ABCE1: variants seen among roughly 807,000 people sequenced by gnomAD.
ABCE1 encodes ATP-binding cassette sub-family E member 1.
In ABCE1, 22 loss-of-function variants were observed where a neutral mutation model predicts 83.4. The observed-to-expected ratio is 0.26, with a 90% CI of 0.19 to 0.38. The LOEUF (loss-of-function observed/expected upper bound fraction) is 0.38. Among genes scored for constraint, ABCE1 ranks in the 10% least tolerant of loss-of-function variants. ABCE1 has a pLI of 1.00. For synonymous variants in ABCE1, 204 were observed against 233.7 expected (o/e 0.87, Z 1.16); for missense variants, 330 against 721.9 (o/e 0.46, Z 6.22).
At chr4:145,103,593 C>T (rs1453417468) in intron 1 of ABCE1, among the ~76,000 whole-genome samples, 1 of 152,074 alleles carries the variant, frequency 6.6e-6, no homozygotes, top group African/African-American at 2.4e-5. Flanking sequence ...TGATTATTTG[C>T]CATTTCTGTC....
Position 145,104,570 on chromosome 4 carries a change from CT to C in ABCE1, c.103+56del, listed in dbSNP as rs972520790. The C allele has an allele frequency of 7.5e-6, 9 of 1,196,000 alleles. No individual in the cohort carries two copies. The African/African-American group carries it at 1.3e-4, about 17-fold the overall frequency. The allele number at this position is 1,196,000 out of a possible 1,614,324, so 74.1% of individuals were successfully genotyped here. A position where few individuals can be genotyped will look rare whatever the true frequency, so the allele number is the denominator to read the frequency against. ...AAAAGAAAACCATGAAAGAAATCAA[CT>C]GGTTTGATAATTCTTTACGGACATT... On this transcript the variant is annotated intron_variant, in intron 2 of 17. Transcript: ENST00000296577.
chr4:145,113,859 C>G (rs1457029510), intron 9 of ABCE1, among the ~76,000 whole-genome samples: 1 of 151,966 alleles, frequency 6.6e-6, no homozygotes, highest in Non-Finnish European at 1.5e-5. Flanking sequence ...GAAACCAGAT[C>G]TTAGGAAGTT....
rs1400055606 is a variant in ABCE1 at position 145,102,409 on chromosome 4, T to C, written c.-27-1977T>C. ...AAGAATGAGCCAGTGGAGAGAATAA[T>C]TGATGAAGTTAAAGACAGAAGGGAG... is the stretch of plus-strand genomic sequence containing the variant. On this transcript the variant is annotated intron_variant, in intron 1 of 17. Coordinates refer to ENST00000296577, the MANE Select transcript of ABCE1 (RefSeq NM_002940.3). Among the ~76,000 whole-genome samples the C allele has an allele frequency of 2.0e-5, 3 of 152,116 alleles. No individual in the cohort carries two copies. In the East Asian group the frequency reaches 5.8e-4, roughly 29 times the overall value.
At position 145,128,108 on chromosome 4, in the gene ABCE1, T is replaced by C. The variant is rs774922798; in HGVS notation, c.*535T>C. 6 of 152,658 alleles carry C rather than the reference T, an allele frequency of 3.9e-5. No individual in the cohort carries two copies. Among genetic ancestry groups the C allele is most frequent in the Non-Finnish European group, 8.8e-5 (6 of 68,052 alleles). 9.5% of individuals were successfully genotyped at this position (152,658 alleles called of 1,614,324 possible). On this transcript the variant is annotated 3_prime_UTR_variant, in exon 18 of 18. Coordinates refer to ENST00000296577, the MANE Select transcript of ABCE1 (RefSeq NM_002940.3). ...AGTATATGGTTTCCGAGGAAGATTATCTACTGCAAAACACCACTGTTGGAA... is the reference window on the plus strand; with the variant it reads ...AGTATATGGTTTCCGAGGAAGATTACCTACTGCAAAACACCACTGTTGGAA...
At chr4:145,108,185 C>A in intron 4 of ABCE1, 73 bp downstream of exon 4, 2 of 1,357,908 alleles carry the variant, frequency 1.5e-6, no homozygotes, top group African/African-American at 1.4e-5. Flanking sequence ...AAGAGAAGTG[C>A]AGAAATTGGG....
chr4:145,121,179 G>A lies in ABCE1; in HGVS notation c.1150G>A (p.Gly384Ser). Reference sequence around the variant, plus strand: ...GTCATATGTTGTGTTGCCAGGAACGGGTAAAACGACATTTATCAGAATGCT... The same window carrying A: ...GTCATATGTTGTGTTGCCAGGAACGAGTAAAACGACATTTATCAGAATGCT... Reference protein sequence around the residue: ...IMVMLGENGTGKTTFIRMLAG... With the variant: ...IMVMLGENGTSKTTFIRMLAG... The change falls in exon 12 of 18, where the codon GGT (glycine) becomes AGT (serine). Residue 384 changes from glycine (G) to serine (S), a missense_variant. By Grantham distance (56) the Gly-to-Ser change is moderately conservative. Coordinates refer to ENST00000296577, the MANE Select transcript of ABCE1 (RefSeq NM_002940.3). 1 of 1,613,248 alleles carries A rather than the reference G, an allele frequency of 6.2e-7. No homozygotes were observed. Among genetic ancestry groups the A allele is most frequent in the Non-Finnish European group, 8.5e-7 (1 of 1,179,872 alleles).
intron 9 of ABCE1, among the ~76,000 whole-genome samples, chr4:145,114,578 C>T (rs1239481472): frequency 6.6e-6 from 1 of 151,298 alleles, no homozygotes; most frequent in African/African-American, 2.4e-5. Flanking sequence ...TGACTTATAA[C>T]GAATAAATTT....
rs1239479101 is a variant in ABCE1, at chr4:145,110,258, G to A, written c.543+18G>A. ...CTGCAAAGGTCGGTTTTTGATAGAG[G>A]GAACTTAACGGATATTAGTAGAAGT... is the stretch of plus-strand genomic sequence containing the variant. On this transcript the variant is annotated intron_variant, in intron 6 of 17. Coordinates refer to ENST00000296577, the MANE Select transcript of ABCE1 (RefSeq NM_002940.3). The A allele has an allele frequency of 1.3e-6, 2 of 1,595,410 alleles. No homozygotes were observed. Among genetic ancestry groups the A allele is most frequent in the Non-Finnish European group, 1.7e-6 (2 of 1,174,520 alleles).
chr4:145,128,783 T>G lies in ABCE1; in HGVS notation c.*1210T>G, dbSNP rs1469893285. On this transcript the variant is annotated 3_prime_UTR_variant, in exon 18 of 18. Transcript: ENST00000296577. ...AAATTAGAAACTGTTTGACAAACTTTAAGAGCTACTTGAAATAACAGAAGT... is the reference window on the plus strand; with the variant it reads ...AAATTAGAAACTGTTTGACAAACTTGAAGAGCTACTTGAAATAACAGAAGT... 6.6e-6 allele frequency: 1 copy of G among 152,234 alleles called. No homozygotes were observed. Among genetic ancestry groups the G allele is most frequent in the Admixed American group, 6.5e-5 (1 of 15,278 alleles). 9.4% of individuals were successfully genotyped at this position (152,234 alleles called of 1,614,324 possible). A position where few individuals can be genotyped will look rare whatever the true frequency, so the allele number is the denominator to read the frequency against.
At position 145,128,421 on chromosome 4, in the gene ABCE1, C is replaced by T. The variant is rs1579227168; in HGVS notation, c.*848C>T. 1.3e-5 allele frequency: 2 copies of T among 152,196 alleles called. No individual in the cohort carries two copies. Among genetic ancestry groups the T allele is most frequent in the East Asian group, 3.8e-4 (2 of 5,200 alleles). The allele number at this position is 152,196 out of a possible 1,614,324, so 9.4% of individuals were successfully genotyped here. A position where few individuals can be genotyped will look rare whatever the true frequency, so the allele number is the denominator to read the frequency against. On this transcript the variant is annotated 3_prime_UTR_variant, in exon 18 of 18. Coordinates refer to ENST00000296577, the MANE Select transcript of ABCE1 (RefSeq NM_002940.3). Reference sequence around the variant, plus strand: ...ATCTTTAAAGATGGTGCCTAAGCATCTATGTATTTTTTTTAAGTTCCACAG... The same window carrying T: ...ATCTTTAAAGATGGTGCCTAAGCATTTATGTATTTTTTTTAAGTTCCACAG...
intron 1 of ABCE1, among the ~76,000 whole-genome samples, chr4:145,102,640 T>C (rs1393036273): frequency 6.6e-6 from 1 of 152,122 alleles, no homozygotes; most frequent in Non-Finnish European, 1.5e-5. Context: ...TTAACCAAGA[T>C]TGTGATTTAG....
intron 9 of ABCE1, among the ~76,000 whole-genome samples, chr4:145,114,459 G>A (rs1004219470): frequency 6.6e-6 from 1 of 151,984 alleles, no homozygotes; most frequent in African/African-American, 2.4e-5. Flanking sequence ...ATCAAATCAT[G>A]TCCTAACAAT....
chr4:145,108,054 A>G lies in ABCE1; in HGVS notation c.229A>G (p.Ser77Gly). 1.2e-6 allele frequency: 2 copies of G among 1,613,652 alleles called. No homozygotes were observed. The highest frequency in any genetic ancestry group is 1.7e-6 in the Non-Finnish European group (2 of 1,179,730). Residue 77 changes from serine (S) to glycine (G), a missense_variant, in exon 4 of 18, where the codon AGC becomes GGC. Ser to Gly is a moderately conservative substitution (Grantham distance 56). Coordinates refer to ENST00000296577, the MANE Select transcript of ABCE1 (RefSeq NM_002940.3). ...CGCCTTATCAATTGTCAATCTACCA[A>G]GCAACTTGGAAAAAGAAACCACACA... Reference protein sequence around the residue: ...FGALSIVNLPSNLEKETTHRY... With the variant: ...FGALSIVNLPGNLEKETTHRY...
Position 145,105,479 on chromosome 4 carries a change from G to A in ABCE1, c.104-126G>A, listed in dbSNP as rs1749276921. ...GACATTATCTCAAATGTATTTCTTT[G>A]TGTGGCCTTTGTTTTTGAAAATCTG... On this transcript the variant is annotated intron_variant, in intron 2 of 17. Transcript: ENST00000296577. The A allele has an allele frequency of 1.8e-5, 11 of 615,416 alleles. No homozygotes were observed. In the East Asian group the frequency reaches 3.0e-4, roughly 17 times the overall value. The allele number at this position is 615,416 out of a possible 1,614,324, so 38.1% of individuals were successfully genotyped here. A position where few individuals can be genotyped will look rare whatever the true frequency, so the allele number is the denominator to read the frequency against.
rs749546565 is a variant in ABCE1 at position 145,109,246 on chromosome 4, C to T, written c.402C>T (p.Tyr134=). The T allele has an allele frequency of 4.4e-6, 7 of 1,589,464 alleles. No homozygotes were observed. Among genetic ancestry groups the T allele is most frequent in the South Asian group, 2.2e-5 (2 of 89,858 alleles). The part of the protein sequence containing the change: ...AGKQKPNLGK[Y]DDPPDWQEIL... ...AACAAAAGCCAAACCTTGGAAAGTA[C>T]GATGTATGTATTATCACCTTGTAAA... The change falls in exon 5 of 18, where the codon TAC becomes TAT. Residue 134 remains tyrosine (Y), a synonymous_variant. Transcript: ENST00000296577.
intron 16 of ABCE1, among the ~76,000 whole-genome samples, chr4:145,124,684 TATTA>T (rs1319798736): frequency 4.6e-5 from 7 of 152,196 alleles, no homozygotes; most frequent in Admixed American, 3.3e-4. Context: ...GTAATCTACT[TATTA>T]ATTATCTTCT....
At chr4:145,118,756 T>C (rs1404713936) in intron 10 of ABCE1, among the ~76,000 whole-genome samples, 1 of 151,906 alleles carries the variant, frequency 6.6e-6, no homozygotes, top group Admixed American at 6.6e-5. Context: ...TTTTCTCTGT[T>C]CCTTTAATAT....
intron 17 of ABCE1, among the ~76,000 whole-genome samples, chr4:145,125,531 T>C (rs1749857242): frequency 6.6e-6 from 1 of 152,200 alleles, no homozygotes; most frequent in Admixed American, 6.5e-5. Flanking sequence ...TTTTTTACAT[T>C]TTAAGACCTG....
intron 5 of ABCE1, 24 bp downstream of exon 5, chr4:145,109,273 A>G (rs775165612): frequency 9.4e-6 from 13 of 1,383,040 alleles, no homozygotes; most frequent in Non-Finnish European, 1.3e-5. Flanking sequence ...CCTTGTAAAA[A>G]TTAATATCAT....
Sources: gnomAD v4.1 joint callset for allele counts (sites outside exome capture counted in the v4.1 genomes callset) on GRCh38, gnomAD v4.1.1 for gene constraint, MANE v1.5 for transcripts, NCBI Gene and HGNC (gene_info 2026-07-23, HGNC 2026-07-21) for gene names.